The following TONSL variants were observed in gnomAD, a reference collection of about 807,000 sequenced individuals.
TONSL encodes tonsoku like, DNA repair protein, also known as tonsoku-like protein.
TONSL carries 112 observed loss-of-function variants against 147.1 expected under a neutral mutation model. The ratio of observed to expected loss-of-function variants is 0.76; its 90% CI spans 0.65 to 0.89. TONSL has a LOEUF of 0.89. Ranked by LOEUF, TONSL falls within the 40% of genes least tolerant of loss-of-function variation. TONSL has a pLI of 0.00. For missense variants in TONSL, 1,883 were observed against 1,864.6 expected (o/e 1.01, Z -0.18); for synonymous variants, 868 against 801.5 (o/e 1.08, Z -1.40).
rs756218352 is a variant in TONSL, at chr8:144,441,011, G to A, written c.966C>T (p.Ser322=). ...CTGCCCTGGGAAAGTCTCCTGCCTTGGAGAAGAGGTCCCCTAGCTGCTCAC... is the reference window on the plus strand; with the variant it reads ...CTGCCCTGGGAAAGTCTCCTGCCTTAGAGAAGAGGTCCCCTAGCTGCTCAC... The part of the protein sequence containing the change: ...VICEQLGDLF[S]KAGDFPRAAE... Residue 322 remains serine (S), a synonymous_variant, in exon 8 of 26, where the codon TCC becomes TCT. Transcript: ENST00000409379. 1.2e-6 allele frequency: 2 copies of A among 1,613,146 alleles called. No individual in the cohort carries two copies. The highest frequency in any genetic ancestry group is 8.5e-7 in the Non-Finnish European group (1 of 1,179,982).
chr8:144,436,018 C>A lies in TONSL; in HGVS notation c.2415G>T (p.Arg805=). ...AIRGVGSAQS[R]LGPGPPRGHS... is the part of the protein sequence containing the mutation. ...GGCCCCGCGGTGGGCCAGGCCCCAG[C>A]CGGCTCTGAGCACTGCCCACACCCC... is the stretch of plus-strand genomic sequence containing the variant. The change falls in exon 17 of 26, where the codon CGG becomes CGT. Residue 805 remains arginine, a synonymous_variant. Transcript: ENST00000409379. 1 of 1,554,288 alleles carries A rather than the reference C, an allele frequency of 6.4e-7. No individual in the cohort carries two copies. Among genetic ancestry groups the A allele is most frequent in the Non-Finnish European group, 8.7e-7 (1 of 1,153,312 alleles).
Position 144,440,426 on chromosome 8 carries a change from A to G in TONSL, c.1215T>C (p.Asp405=). ...NIALSREEAG[D]AYELLAPCFQ... is the part of the protein sequence containing the mutation. ...AGCACGGGGCCAGCAGCTCGTAGGC[A>G]TCGCCGGCCTCCTCGCGGGACAGTG... Residue 405 remains aspartate, a synonymous_variant, in exon 10 of 26, where the codon GAT becomes GAC. Coordinates refer to ENST00000409379, the MANE Select transcript of TONSL (RefSeq NM_013432.5). The G allele has an allele frequency of 6.2e-7, 1 of 1,608,282 alleles. No homozygotes were observed. The highest frequency in any genetic ancestry group is 8.5e-7 in the Non-Finnish European group (1 of 1,177,072).
At chr8:144,444,084 G>A (rs1823818834) in intron 2 of TONSL, 60 bp from the exon 3 acceptor site, 3 of 1,363,174 alleles carry the variant, frequency 2.2e-6, no homozygotes, top group Admixed American at 3.3e-5. Context: ...GCCCTGGGGC[G>A]GCGTCTGCCG....
chr8:144,442,496 G>A, intron 5 of TONSL, 84 bp from the exon 6 acceptor site: 1 of 1,489,614 alleles, frequency 6.7e-7, no homozygotes, highest in Non-Finnish European at 8.9e-7. Context: ...CTGCCATGCT[G>A]TGGTCTCAGG....
chr8:144,443,852 G>A, intron 3 of TONSL, 30 bp downstream of exon 3: 1 of 1,541,800 alleles, frequency 6.5e-7, no homozygotes. Context: ...GGCCGACCGG[G>A]CTGGACGAGG....
At position 144,431,144 on chromosome 8, in the gene TONSL, C is replaced by T; in HGVS notation, c.3743G>A (p.Cys1248Tyr). The T allele has an allele frequency of 6.2e-7, 1 of 1,614,140 alleles. No homozygotes were observed. The highest frequency in any genetic ancestry group is 8.5e-7 in the Non-Finnish European group (1 of 1,180,002). ...PVFRYLAKEGCALAHLTLSAN... is the reference protein window; with the variant it reads ...PVFRYLAKEGYALAHLTLSAN... ...AGACAGGGTCAGGTGGGCTAGAGCA[C>T]AGCCTTCCTGGACATGAGCAGAGGC... The change falls in exon 24 of 26, where the codon TGT (cysteine) becomes TAT (tyrosine). Residue 1248 changes from cysteine (C) to tyrosine (Y), a missense_variant. Coordinates refer to ENST00000409379, the MANE Select transcript of TONSL (RefSeq NM_013432.5).
intron 22 of TONSL, chr8:144,433,323 G>A (rs916125903): frequency 2.8e-5 from 10 of 363,000 alleles, no homozygotes; most frequent in East Asian, 2.4e-4. Context: ...TGATCTGCCC[G>A]CCTTGGCCTC....
intron 7 of TONSL, 101 bp from the exon 8 acceptor site, chr8:144,441,212 C>T: frequency 6.7e-7 from 1 of 1,483,998 alleles, no homozygotes; most frequent in Non-Finnish European, 9.0e-7. Context: ...CCCACTCTCT[C>T]CACACCTCTG....
intron 1 of TONSL, 21 bp from the exon 2 acceptor site, chr8:144,444,296 C>G: frequency 7.3e-7 from 1 of 1,372,208 alleles, no homozygotes; most frequent in Non-Finnish European, 9.5e-7. Context: ...AAGAGGAGGG[C>G]TGGGCCTCCG....
intron 18 of TONSL, 76 bp from the exon 19 acceptor site, chr8:144,435,246 C>T (rs1408715040): frequency 7.0e-7 from 1 of 1,433,382 alleles, no homozygotes; most frequent in African/African-American, 1.4e-5. Flanking sequence ...CATCCCTGCC[C>T]AGGGCCAGAA....
In TONSL at chr8:144,432,393, G is replaced by A; in HGVS notation, c.3627C>T (p.Thr1209=). 6.2e-7 allele frequency: 1 copy of A among 1,604,646 alleles called. No homozygotes were observed. The highest frequency in any genetic ancestry group is 8.5e-7 in the Non-Finnish European group (1 of 1,176,470). Residue 1209 remains threonine, a synonymous_variant, in exon 23 of 26, where the codon ACC becomes ACT. Coordinates refer to ENST00000409379, the MANE Select transcript of TONSL (RefSeq NM_013432.5). ...NALGAPALAR[T]LQSLPAGTLL... Reference sequence around the variant, plus strand: ...GGGTGCCGGCGGGCAGGCTCTGCAGGGTCCTGGCCAGGGCAGGGGCTCCCA... The same window carrying A: ...GGGTGCCGGCGGGCAGGCTCTGCAGAGTCCTGGCCAGGGCAGGGGCTCCCA...
In TONSL at chr8:144,437,237, C is replaced by T. The variant is rs1355221950; in HGVS notation, c.1654-138G>A. ...CAAGTCCGTGGCCCTGCCCTCTCCT[C>T]CTCCGGCCTAGGTGTCACCAGTGAA... On this transcript the variant is annotated intron_variant, in intron 13 of 25. Transcript: ENST00000409379. The T allele has an allele frequency of 5.0e-6, 4 of 796,276 alleles. No homozygotes were observed. In the African/African-American group the frequency reaches 6.9e-5, roughly 14 times the overall value. The allele number at this position is 796,276 out of a possible 1,614,324, so 49.3% of individuals were successfully genotyped here.
In TONSL at chr8:144,440,825, T is replaced by C. The variant is rs1823688470; in HGVS notation, c.1057A>G (p.Ile353Val). Residue 353 changes from isoleucine (I) to valine (V), a missense_variant, in exon 9 of 26, where the codon ATC becomes GTC. By Grantham distance (29) the Ile-to-Val change is conservative. Coordinates refer to ENST00000409379, the MANE Select transcript of TONSL (RefSeq NM_013432.5). The part of the protein sequence containing the change: ...LLDRPGAERA[I>V]IHVSLATTLG... ...GTGGTGGCCAGGGACACGTGGATGATGGCCCGCTCAGCACCCGGTCTGTCC... is the reference window on the plus strand; with the variant it reads ...GTGGTGGCCAGGGACACGTGGATGACGGCCCGCTCAGCACCCGGTCTGTCC... 6.2e-6 allele frequency: 10 copies of C among 1,612,888 alleles called. No homozygotes were observed. Among genetic ancestry groups the C allele is most frequent in the Non-Finnish European group, 8.5e-6 (10 of 1,179,960 alleles).
rs782371574 is a variant in TONSL, at chr8:144,433,584, T to C, written c.3559+4A>G. The C allele has an allele frequency of 6.8e-5, 109 of 1,612,926 alleles. No homozygotes were observed. The highest frequency in any genetic ancestry group is 9.1e-5 in the Non-Finnish European group (107 of 1,179,758). On this transcript the variant is annotated splice_donor_region_variant and intron_variant, in intron 22 of 25. Transcript: ENST00000409379. Reference sequence around the variant, plus strand: ...AGTGGACAGGGAGTGCCTGGTCAGCTCACCTTGGAAAGCACTACCCAGTGC... The same window carrying C: ...AGTGGACAGGGAGTGCCTGGTCAGCCCACCTTGGAAAGCACTACCCAGTGC...
intron 23 of TONSL, among the ~76,000 whole-genome samples, chr8:144,431,403 C>T (rs535282715): frequency 6.6e-6 from 1 of 152,168 alleles, no homozygotes; most frequent in African/African-American, 2.4e-5. Flanking sequence ...CCCCTTGGGA[C>T]CTTCCTGGCG....
rs201659074 is a variant in TONSL at position 144,440,082 on chromosome 8, C to T, written c.1419G>A (p.Glu473=). Residue 473 remains glutamate, a synonymous_variant, in exon 11 of 26, where the codon GAG becomes GAA. Coordinates refer to ENST00000409379, the MANE Select transcript of TONSL (RefSeq NM_013432.5). ...CTTCGCTCTCCGCTGTGGCTGCCGC[C>T]TCCTCCGCCTCCTCCTCCTCATCTT... The part of the protein sequence containing the change: ...EDEDEEEEAE[E]AAATAESEAL... 1.9e-6 allele frequency: 3 copies of T among 1,603,380 alleles called. No homozygotes were observed. Among genetic ancestry groups the T allele is most frequent in the East Asian group, 2.2e-5 (1 of 44,792 alleles).
rs531002501 is a variant in TONSL, at chr8:144,430,597, T to G, written c.3810-60A>C. 17 of 1,536,964 alleles carry G rather than the reference T, an allele frequency of 1.1e-5. 1 individual carries two copies. In the African/African-American group the frequency reaches 2.1e-4, roughly 19 times the overall value. On this transcript the variant is annotated intron_variant, in intron 24 of 25. Transcript: ENST00000409379. The stretch of plus-strand genomic sequence containing the variant: ...TTCCAGAGAGGCTGTGCCCCAACAC[T>G]AGGAAAGCTGCCCAGACAAATGCCA...
Position 144,435,718 on chromosome 8 carries a change from G to A in TONSL, c.2715C>T (p.Ser905=), listed in dbSNP as rs1397892896. ...PSSLASEPPG[S]PSTPRVSEPS... ...GCTCTGAGACCCTGGGGGTGCTGGG[G>A]CTCCCTGGAGGTTCTGAAGCCAGGC... The change falls in exon 17 of 26, where the codon AGC becomes AGT. Residue 905 remains serine, a synonymous_variant. Coordinates refer to ENST00000409379, the MANE Select transcript of TONSL (RefSeq NM_013432.5). The A allele has an allele frequency of 6.2e-7, 1 of 1,612,036 alleles. No individual in the cohort carries two copies. Among genetic ancestry groups the A allele is most frequent in the South Asian group, 1.1e-5 (1 of 91,084 alleles).
In TONSL at chr8:144,429,310, G is replaced by A; in HGVS notation, c.3970C>T (p.Leu1324=). Reference sequence around the variant, plus strand: ...GCGGCTATCTTGTCCCACAGGCCCAGGCCCAGGGGACCCTGGACGGCGCAG... The same window carrying A: ...GCGGCTATCTTGTCCCACAGGCCCAAGCCCAGGGGACCCTGGACGGCGCAG... ...SGCAVQGPLG[L]GLWDKIAAQL... Residue 1324 remains leucine, a synonymous_variant, in exon 26 of 26, where the codon CTG becomes TTG. Coordinates refer to ENST00000409379, the MANE Select transcript of TONSL (RefSeq NM_013432.5). The A allele has an allele frequency of 6.7e-7, 1 of 1,485,900 alleles. No individual in the cohort carries two copies. 92.0% of individuals were successfully genotyped at this position (1,485,900 alleles called of 1,614,324 possible).
Sources: allele counts gnomAD v4.1 joint callset (sites outside exome capture counted in the v4.1 genomes callset), GRCh38; gene constraint gnomAD v4.1.1; transcripts MANE v1.5; gene names NCBI Gene and HGNC (gene_info 2026-07-23, HGNC 2026-07-21).